The following GRM5 variants were observed in gnomAD, a reference collection of about 807,000 sequenced individuals.
GRM5 encodes metabotropic glutamate receptor 5.
A neutral mutation model predicts 83.1 loss-of-function variants in GRM5; 19 were observed. The observed-to-expected ratio is 0.23, with a 90% CI of 0.16 to 0.34. The LOEUF is 0.34. Among genes scored for constraint, GRM5 ranks in the 10% least tolerant of loss-of-function variants. GRM5 has a pLI of 1.00. For synonymous variants in GRM5, 675 were observed against 633.6 expected (o/e 1.07, Z -0.98); for missense variants, 1,160 against 1,588.3 (o/e 0.73, Z 4.58).
intron 3 of GRM5, among the ~76,000 whole-genome samples, chr11:88,761,483 T>A (rs1000647602): frequency 3.3e-5 from 5 of 152,026 alleles, no homozygotes; most frequent in African/African-American, 1.2e-4. Flanking sequence ...TAACTAGGAA[T>A]ACAGCTAACC....
At chr11:88,848,444 A>C (rs548187320) in intron 3 of GRM5, among the ~76,000 whole-genome samples, 12 of 152,260 alleles carry the variant, frequency 7.9e-5, no homozygotes, top group African/African-American at 2.2e-4. Context: ...AAGGAAGTAC[A>C]TTTCCCTTAA....
In GRM5 at chr11:88,639,789, A is replaced by T. The variant is rs73544135; in HGVS notation, c.1147+13379T>A. On this transcript the variant is annotated intron_variant, in intron 4 of 9. Coordinates refer to ENST00000305447, the MANE Select transcript of GRM5 (RefSeq NM_001143831.3). ...TTCTTCAACAAGCTTATCAGGTCTC[A>T]ATTTGGTGAATTTTAAGTATCTTTA... 7.7e-4 allele frequency among the ~76,000 whole-genome samples: 117 copies of T among 152,150 alleles called. 1 individual carries two copies. Among genetic ancestry groups the T allele is most frequent in the African/African-American group, 2.7e-3 (111 of 41,514 alleles).
At chr11:89,037,897 A>T (rs1172212063) in intron 2 of GRM5, among the ~76,000 whole-genome samples, 1 of 152,188 alleles carries the variant, frequency 6.6e-6, no homozygotes, top group Non-Finnish European at 1.5e-5. Context: ...TTCAAGACAC[A>T]GAAGAAATAT....
chr11:88,791,265 A>G (rs1026715091), intron 3 of GRM5, among the ~76,000 whole-genome samples: 1 of 152,206 alleles, frequency 6.6e-6, no homozygotes, highest in Non-Finnish European at 1.5e-5. Flanking sequence ...GATGCTTACG[A>G]AAAATGCACT....
chr11:88,918,383 T>C (rs1474758154), intron 2 of GRM5, among the ~76,000 whole-genome samples: 5 of 151,956 alleles, frequency 3.3e-5, no homozygotes, highest in Non-Finnish European at 7.4e-5. Context: ...TATACATATG[T>C]AACTAACCTG....
intron 3 of GRM5, among the ~76,000 whole-genome samples, chr11:88,680,181 A>G (rs1312646287): frequency 6.6e-6 from 1 of 152,130 alleles, no homozygotes. Context: ...GCTGCACCCA[A>G]TAACTTACTC....
chr11:88,927,121 C>T (rs569390920), intron 2 of GRM5, among the ~76,000 whole-genome samples: 1 of 152,148 alleles, frequency 6.6e-6, no homozygotes, highest in Admixed American at 6.5e-5. Context: ...CCTCTTTATC[C>T]TGGGGTGGTT....
chr11:88,716,817 C>T (rs1941410348), intron 3 of GRM5, among the ~76,000 whole-genome samples: 1 of 137,786 alleles, frequency 7.3e-6, no homozygotes, highest in African/African-American at 2.6e-5. Context: ...ACTTACCATT[C>T]TCTTTTAACT....
chr11:89,033,590 T>C (rs773119548), intron 2 of GRM5, among the ~76,000 whole-genome samples: 18 of 151,952 alleles, frequency 1.2e-4, no homozygotes, highest in Non-Finnish European at 2.5e-4. Context: ...TCAAGTGTTA[T>C]ACTCTCTTCA....
intron 3 of GRM5, among the ~76,000 whole-genome samples, chr11:88,799,734 AT>A (rs557048683): frequency 7.1e-4 from 108 of 152,058 alleles, no homozygotes; most frequent in African/African-American, 2.5e-3. Context: ...TTGTGTATCC[AT>A]GGTCACAGCA....
chr11:88,748,309 C>G (rs1942187079), intron 3 of GRM5, among the ~76,000 whole-genome samples: 1 of 152,100 alleles, frequency 6.6e-6, no homozygotes, highest in Admixed American at 6.6e-5. Flanking sequence ...CATAGCTATA[C>G]CTAGGAAGGG....
chr11:88,677,521 C>G (rs920867573), intron 3 of GRM5, among the ~76,000 whole-genome samples: 1 of 152,094 alleles, frequency 6.6e-6, no homozygotes, highest in African/African-American at 2.4e-5. Flanking sequence ...GATTCTTCTA[C>G]AAGAGAAATT....
chr11:89,047,983 A>G lies in GRM5; in HGVS notation c.-111T>C. ...ACGTTGAGTCGCAAATCAAGAAATT[A>G]GCCAGCAATTCAGATGTATTTTCTA... is the stretch of plus-strand genomic sequence containing the variant. On this transcript the variant is annotated 5_prime_UTR_variant, in exon 2 of 10. Coordinates refer to ENST00000305447, the MANE Select transcript of GRM5 (RefSeq NM_001143831.3). This position sits in a 1 kb window ranked among gnomAD's most constrained non-coding sequence, Gnocchi z 5.1. The G allele has an allele frequency of 1.4e-6, 1 of 740,594 alleles. No individual in the cohort carries two copies. Among genetic ancestry groups the G allele is most frequent in the Non-Finnish European group, 2.2e-6 (1 of 445,392 alleles). 45.9% of individuals were successfully genotyped at this position (740,594 alleles called of 1,614,324 possible). A position where few individuals can be genotyped will look rare whatever the true frequency, so the allele number is the denominator to read the frequency against.
intron 2 of GRM5, among the ~76,000 whole-genome samples, chr11:88,885,092 T>G (rs685438): frequency 0.63 from 95,523 of 151,586 alleles, 30,412 homozygotes; most frequent in Admixed American, 0.73. Flanking sequence ...TATATATGTT[T>G]ATAAATGTTT....
At chr11:88,911,578 A>G (rs1250879811) in intron 2 of GRM5, among the ~76,000 whole-genome samples, 1 of 152,148 alleles carries the variant, frequency 6.6e-6, no homozygotes, top group African/African-American at 2.4e-5. Context: ...TAGTGTATAG[A>G]AAACAGCATT....
At chr11:88,998,442 A>G (rs572132814) in intron 2 of GRM5, among the ~76,000 whole-genome samples, 1 of 152,282 alleles carries the variant, frequency 6.6e-6, no homozygotes, top group East Asian at 1.9e-4. Context: ...TTGATGCTTG[A>G]TAAAGAGCAT....
intron 3 of GRM5, among the ~76,000 whole-genome samples, chr11:88,690,570 A>G (rs1295809847): frequency 6.6e-6 from 1 of 152,152 alleles, no homozygotes; most frequent in Admixed American, 6.5e-5. Flanking sequence ...ATAATTTGGC[A>G]TTGATAGGTA....
intron 2 of GRM5, among the ~76,000 whole-genome samples, chr11:88,988,888 A>G (rs1001113174): frequency 6.8e-6 from 1 of 147,892 alleles, no homozygotes; most frequent in African/African-American, 2.5e-5. Context: ...AACAACCGGT[A>G]CCAGCCGCTG....
chr11:88,975,691 T>A (rs1347669423), intron 2 of GRM5, among the ~76,000 whole-genome samples: 1 of 152,226 alleles, frequency 6.6e-6, no homozygotes, highest in African/African-American at 2.4e-5. Flanking sequence ...CCCAGTTGAC[T>A]CATATGGGCA....
Sources: allele counts gnomAD v4.1 joint callset (sites outside exome capture counted in the v4.1 genomes callset), GRCh38; gene constraint gnomAD v4.1.1; non-coding constraint Gnocchi (gnomAD v3.1); transcripts MANE v1.5; gene names NCBI Gene and HGNC (gene_info 2026-07-23, HGNC 2026-07-21).